MAGI2: variants seen among roughly 807,000 people sequenced by gnomAD.
MAGI2 encodes membrane-associated guanylate kinase, WW and PDZ domain-containing protein 2.
Under a neutral mutation model 133.3 loss-of-function variants are expected in MAGI2, and 35 were observed. The observed-to-expected ratio is 0.26, with a 90% confidence interval of 0.20 to 0.35. MAGI2 has a LOEUF of 0.35. MAGI2 is among the 10% of genes least tolerant of loss of function. The pLI is 1.00. For synonymous variants in MAGI2, 729 were observed against 710.6 expected (o/e 1.03, Z -0.41); for missense variants, 1,636 against 1,863.4 (o/e 0.88, Z 2.25).
At chr7:79,081,464 A>C (rs1391267793) in intron 1 of MAGI2, among the ~76,000 whole-genome samples, 2 of 152,176 alleles carry the variant, frequency 1.3e-5, no homozygotes, top group Non-Finnish European at 2.9e-5. Flanking sequence ...TTACCTATAC[A>C]TCATCACTAG....
intron 1 of MAGI2, among the ~76,000 whole-genome samples, chr7:79,300,798 G>A (rs967779088): frequency 7.2e-5 from 11 of 152,204 alleles, no homozygotes; most frequent in African/African-American, 2.4e-4. Flanking sequence ...TCACATCACA[G>A]GCCTGAGGCC....
chr7:79,152,008 G>T (rs1823301280), intron 1 of MAGI2, among the ~76,000 whole-genome samples: 1 of 152,094 alleles, frequency 6.6e-6, no homozygotes, highest in Admixed American at 6.6e-5. Context: ...ATCAAAAAGG[G>T]ATAAATTAAG....
intron 4 of MAGI2, among the ~76,000 whole-genome samples, chr7:78,512,081 C>A (rs1185967492): frequency 6.6e-6 from 1 of 151,266 alleles, no homozygotes; most frequent in Non-Finnish European, 1.5e-5. Context: ...GGAGATCGTG[C>A]CACTGCACTC....
chr7:78,972,822 A>T (rs1187123337), intron 2 of MAGI2, among the ~76,000 whole-genome samples: 1 of 151,868 alleles, frequency 6.6e-6, no homozygotes, highest in African/African-American at 2.4e-5. Context: ...ATTCATAAAA[A>T]TATCTTTTTA....
chr7:78,070,968 C>T (rs775009364), intron 21 of MAGI2, among the ~76,000 whole-genome samples: 38 of 152,086 alleles, frequency 2.5e-4, no homozygotes, highest in African/African-American at 8.5e-4. Flanking sequence ...CCACTGTACC[C>T]GGTCTGGTCT....
intron 12 of MAGI2, among the ~76,000 whole-genome samples, chr7:78,190,039 G>T (rs1249637479): frequency 6.6e-6 from 1 of 152,202 alleles, no homozygotes; most frequent in Non-Finnish European, 1.5e-5. Context: ...CCCAGAAGAA[G>T]AAGACAGATG....
At chr7:79,212,403 G>A (rs914164046) in intron 1 of MAGI2, among the ~76,000 whole-genome samples, 2 of 152,096 alleles carry the variant, frequency 1.3e-5, no homozygotes, top group African/African-American at 4.8e-5. Flanking sequence ...ACATTTTAAA[G>A]TTTAAAAGAT....
intron 16 of MAGI2, among the ~76,000 whole-genome samples, chr7:78,144,695 G>C (rs1014623138): frequency 1.3e-5 from 2 of 152,142 alleles, no homozygotes; most frequent in African/African-American, 4.8e-5. Flanking sequence ...CAGTGCCATC[G>C]TGGGGATTGT....
At chr7:78,497,476 T>G (rs1480306947) in intron 5 of MAGI2, among the ~76,000 whole-genome samples, 1 of 152,140 alleles carries the variant, frequency 6.6e-6, no homozygotes, top group Non-Finnish European at 1.5e-5. Context: ...AACCTTTCCC[T>G]CTTAAATGCA....
intron 13 of MAGI2, among the ~76,000 whole-genome samples, chr7:78,182,897 T>C (rs1390872307): frequency 6.6e-6 from 1 of 152,154 alleles, no homozygotes; most frequent in Non-Finnish European, 1.5e-5. Context: ...ATATTCTCCT[T>C]AGGTGATGGC....
intron 20 of MAGI2, among the ~76,000 whole-genome samples, chr7:78,112,954 G>C (rs1819502037): frequency 6.6e-6 from 1 of 152,244 alleles, no homozygotes; most frequent in African/African-American, 2.4e-5. Flanking sequence ...AGTGATGCTT[G>C]AAGTGGGATG....
At chr7:79,129,408 C>G (rs1266168014) in intron 1 of MAGI2, among the ~76,000 whole-genome samples, 1 of 152,130 alleles carries the variant, frequency 6.6e-6, no homozygotes, top group African/African-American at 2.4e-5. Context: ...AATATCAAAT[C>G]TAGTACTCCA....
At chr7:78,898,932 ATGTTAT>A (rs1359522532) in intron 2 of MAGI2, among the ~76,000 whole-genome samples, 1 of 152,144 alleles carries the variant, frequency 6.6e-6, no homozygotes, top group Non-Finnish European at 1.5e-5. Context: ...ACATAATAAT[ATGTTAT>A]TGCACGTATT....
chr7:78,610,177 G>A (rs936695096), intron 3 of MAGI2, among the ~76,000 whole-genome samples: 1 of 152,112 alleles, frequency 6.6e-6, no homozygotes, highest in East Asian at 1.9e-4. Flanking sequence ...GGAGAACTTT[G>A]CCCCAGCTGT....
At chr7:78,630,245 T>G (rs1371285928) in intron 2 of MAGI2, among the ~76,000 whole-genome samples, 1 of 151,564 alleles carries the variant, frequency 6.6e-6, no homozygotes, top group Non-Finnish European at 1.5e-5. Flanking sequence ...AGTTTAACTC[T>G]TTTTTTTGTC....
At position 79,350,237 on chromosome 7, in the gene MAGI2, G is replaced by A. The variant is rs553116752; in HGVS notation, c.301+102783C>T. On this transcript the variant is annotated intron_variant, in intron 1 of 21. Coordinates refer to ENST00000354212, the MANE Select transcript of MAGI2 (RefSeq NM_012301.4). ...CCAGTGCTCCAAAGCCTCAGAGGCC[G>A]GATTTTCTGGAAATTTGTTCATTTC... Among the ~76,000 whole-genome samples, 16 of 152,136 alleles carry A rather than the reference G, an allele frequency of 1.1e-4. No individual in the cohort carries two copies. The South Asian group carries it at 1.2e-3, about 12-fold the overall frequency.
At chr7:79,437,597 G>T (rs138316718) in intron 1 of MAGI2, among the ~76,000 whole-genome samples, 61 of 152,138 alleles carry the variant, frequency 4.0e-4, no homozygotes, top group South Asian at 1.5e-3. Flanking sequence ...GTACAACCTA[G>T]AGAAAAGATT....
rs559232295 is a variant in MAGI2, at chr7:78,567,101, G to A, written c.539-45456C>T. ...ACAAAAACAAAGAAACTTTGTCCCC[G>A]TTATTGTCCCCATTATTCTAATATA... On this transcript the variant is annotated intron_variant, in intron 3 of 21. Transcript: ENST00000354212. 1.5e-3 allele frequency among the ~76,000 whole-genome samples: 231 copies of A among 152,160 alleles called. 1 individual carries two copies. The highest frequency in any genetic ancestry group is 5.1e-3 in the African/African-American group (212 of 41,534).
chr7:78,090,051 C>T (rs1249401716), intron 20 of MAGI2, among the ~76,000 whole-genome samples: 1 of 152,136 alleles, frequency 6.6e-6, no homozygotes, highest in South Asian at 2.1e-4. Flanking sequence ...TGCTGCTGTC[C>T]TCAGCCTTCC....
Sources: gnomAD v4.1 joint callset for allele counts (sites outside exome capture counted in the v4.1 genomes callset) on GRCh38, gnomAD v4.1.1 for gene constraint, MANE v1.5 for transcripts, NCBI Gene and HGNC (gene_info 2026-07-23, HGNC 2026-07-21) for gene names.